MEP1A: variants seen among roughly 807,000 people sequenced by gnomAD.
The protein encoded by MEP1A is meprin A subunit alpha, also known as N-benzoyl-L-tyrosyl-P-amino-benzoic acid hydrolase subunit alpha.
In MEP1A, 68 loss-of-function variants were observed where a neutral mutation model predicts 84.5. That is an observed-to-expected ratio of 0.80 (90% confidence interval 0.66 to 0.98). MEP1A has a LOEUF of 0.98. MEP1A is among the 50% of genes least tolerant of loss of function. MEP1A has a pLI of 0.00. For synonymous variants in MEP1A, 337 were observed against 336.8 expected, an observed-to-expected ratio of 1.00 and a Z score of -0.01; for missense variants, 887 against 919.9, an observed-to-expected ratio of 0.96 and a Z score of 0.46.
At chr6:46,793,793 C>T (rs1766987723) in intron 3 of MEP1A, 77 bp downstream of exon 3, 1 of 1,035,986 alleles carries the variant, frequency 9.7e-7, no homozygotes, top group African/African-American at 1.6e-5. Flanking sequence ...CACTTTCCTT[C>T]CTAATACTGT....
At chr6:46,814,514 C>G (rs1581674353) in intron 6 of MEP1A, among the ~76,000 whole-genome samples, 1 of 152,162 alleles carries the variant, frequency 6.6e-6, no homozygotes, top group African/African-American at 2.4e-5. Context: ...CCTTGATTGG[C>G]TTAATAACTG....
In MEP1A at chr6:46,825,636, G is replaced by A. The variant is rs917702843; in HGVS notation, c.778+143G>A. On this transcript the variant is annotated intron_variant, in intron 8 of 13. Coordinates refer to ENST00000230588, the MANE Select transcript of MEP1A (RefSeq NM_005588.3). ...AGAACAAACTGCGTAACTTTTGTTG[G>A]TCTACCTCTAGACCCATTTGTTTAA... 6 of 656,066 alleles carry A rather than the reference G, an allele frequency of 9.1e-6. No homozygotes were observed. The African/African-American group carries it at 1.1e-4, about 12-fold the overall frequency. 40.6% of individuals were successfully genotyped at this position (656,066 alleles called of 1,614,324 possible).
chr6:46,811,697 G>A (rs922423616), intron 6 of MEP1A, among the ~76,000 whole-genome samples: 1 of 151,858 alleles, frequency 6.6e-6, no homozygotes, highest in African/African-American at 2.4e-5. Context: ...GGTGGACTTT[G>A]CCAAATGCTT....
chr6:46,839,906 A>G (rs1156651914), downstream of MEP1A: 1 of 152,164 alleles, frequency 6.6e-6, no homozygotes, highest in Non-Finnish European at 1.5e-5. Flanking sequence ...TTTATGTACA[A>G]CATTATCATA....
chr6:46,825,518 T>C (rs1249708771), intron 8 of MEP1A, 25 bp downstream of exon 8: 17 of 1,503,862 alleles, frequency 1.1e-5, no homozygotes, highest in Admixed American at 1.8e-5. Context: ...TTCTGAGAAC[T>C]TGGTAAACTA....
intron 6 of MEP1A, among the ~76,000 whole-genome samples, chr6:46,811,350 C>A (rs1176844973): frequency 6.6e-6 from 1 of 151,776 alleles, no homozygotes; most frequent in Admixed American, 6.6e-5. Flanking sequence ...ATTTTATTTA[C>A]CAGTTCTAGG....
At chr6:46,797,168 G>A (rs1767065039) in intron 3 of MEP1A, among the ~76,000 whole-genome samples, 6 of 152,216 alleles carry the variant, frequency 3.9e-5, no homozygotes, top group African/African-American at 9.6e-5. Flanking sequence ...ATGAGCCACA[G>A]GCTTTGCCAA....
rs371473187 is a variant in MEP1A at position 46,829,584 on chromosome 6, A to T, written c.1144+13A>T. On this transcript the variant is annotated intron_variant, in intron 10 of 13. Transcript: ENST00000230588. ...CAGACTTTTCAAGGTACTTAGAGGC[A>T]TTCACACGAGGAATGGATTGGGTTA... 8 of 1,601,618 alleles carry T rather than the reference A, an allele frequency of 5.0e-6. No homozygotes were observed. Among genetic ancestry groups the T allele is most frequent in the Non-Finnish European group, 6.8e-6 (8 of 1,168,842 alleles).
chr6:46,845,537 C>G, the MEP1A span, among the ~76,000 whole-genome samples: 2 of 152,220 alleles, frequency 1.3e-5, no homozygotes, highest in Non-Finnish European at 2.9e-5. Context: ...ATTATTTCTA[C>G]AGGGCCAGCA....
intron 7 of MEP1A, among the ~76,000 whole-genome samples, chr6:46,823,332 C>T (rs1421421011): frequency 6.6e-6 from 1 of 152,168 alleles, no homozygotes; most frequent in Non-Finnish European, 1.5e-5. Context: ...CTGGATGAGG[C>T]CAGGCACGGT....
At chr6:46,836,726 T>C (rs1768224609) in intron 13 of MEP1A, among the ~76,000 whole-genome samples, 1 of 152,146 alleles carries the variant, frequency 6.6e-6, no homozygotes, top group African/African-American at 2.4e-5. Context: ...CCCTCCAATT[T>C]GGGACAATTC....
intron 5 of MEP1A, among the ~76,000 whole-genome samples, chr6:46,802,213 A>G (rs930080804): frequency 6.6e-6 from 1 of 151,964 alleles, no homozygotes; most frequent in Non-Finnish European, 1.5e-5. Flanking sequence ...ATCCATAAAC[A>G]TGGTACATCA....
intron 6 of MEP1A, among the ~76,000 whole-genome samples, chr6:46,811,208 T>C (rs1767490977): frequency 6.6e-6 from 1 of 152,078 alleles, no homozygotes; most frequent in Non-Finnish European, 1.5e-5. Flanking sequence ...TATTCCTAAG[T>C]ATTTTATTTT....
intron 6 of MEP1A, among the ~76,000 whole-genome samples, chr6:46,813,075 C>T (rs542760177): frequency 7.9e-5 from 12 of 151,956 alleles, no homozygotes; most frequent in Non-Finnish European, 1.5e-4. Flanking sequence ...TTAAAGTCCC[C>T]CACTGTTATT....
At position 46,806,352 on chromosome 6, in the gene MEP1A, G is replaced by A. The variant is rs1767318665; in HGVS notation, c.263-3068G>A. ...CTCTGAATTGTGTTAATTTTTGTTA[G>A]AGCAGTTAAATTACTGCATGATCAT... On this transcript the variant is annotated intron_variant, in intron 5 of 13. Transcript: ENST00000230588. 2.0e-5 allele frequency among the ~76,000 whole-genome samples: 3 copies of A among 151,964 alleles called. No homozygotes were observed. The South Asian group carries it at 6.2e-4, about 31-fold the overall frequency.
chr6:46,796,226 C>T (rs11753888), intron 3 of MEP1A, among the ~76,000 whole-genome samples: 43,622 of 151,988 alleles, frequency 0.29, 6,786 homozygotes, highest in Admixed American at 0.35. Context: ...GGGTGTTGAC[C>T]AAGCCTTCCA....
At chr6:46,824,989 T>G (rs1446520594) in intron 7 of MEP1A, among the ~76,000 whole-genome samples, 1 of 132,348 alleles carries the variant, frequency 7.6e-6, no homozygotes, top group Non-Finnish European at 1.6e-5. Context: ...ATTATATATT[T>G]AAATAGATCT....
intron 6 of MEP1A, among the ~76,000 whole-genome samples, chr6:46,818,187 A>G (rs754810144): frequency 6.6e-6 from 1 of 152,232 alleles, no homozygotes; most frequent in Non-Finnish European, 1.5e-5. Flanking sequence ...TAAATTTACT[A>G]AAAGTCATTG....
intron 13 of MEP1A, among the ~76,000 whole-genome samples, chr6:46,836,357 G>A (rs1007892166): frequency 9.2e-5 from 14 of 152,224 alleles, no homozygotes; most frequent in Non-Finnish European, 2.1e-4. Flanking sequence ...AGTAGCAGAT[G>A]TAGAAGCTAT....
Sources: gnomAD v4.1 joint callset for allele counts (sites outside exome capture counted in the v4.1 genomes callset) on GRCh38, gnomAD v4.1.1 for gene constraint, MANE v1.5 for transcripts, NCBI Gene and HGNC (gene_info 2026-07-23, HGNC 2026-07-21) for gene names.